The following ACSL6 variants were observed in gnomAD, a reference collection of about 807,000 sequenced individuals.
ACSL6 encodes the protein acyl-CoA synthetase long chain family member 6.
ACSL6 carries 47 observed loss-of-function variants against 98.2 expected under a neutral mutation model. The ratio of observed to expected loss-of-function variants is 0.48; its 90% CI spans 0.38 to 0.61. ACSL6 has a LOEUF of 0.61. ACSL6 is among the 20% of genes least tolerant of loss of function. ACSL6 has a pLI of 0.00. For missense variants in ACSL6, 761 were observed against 913.4 expected (o/e 0.83, Z 2.15); for synonymous variants, 362 against 336.9 (o/e 1.07, Z -0.82).
intron 1 of ACSL6, among the ~76,000 whole-genome samples, chr5:131,999,134 T>C (rs766354528): frequency 2.0e-5 from 3 of 151,728 alleles, no homozygotes; most frequent in Non-Finnish European, 4.4e-5. Context: ...GCAAACGAGC[T>C]TGGGAGAGGA....
At chr5:131,985,611 G>A (rs574569262) in intron 8 of ACSL6, among the ~76,000 whole-genome samples, 153 bp from the exon 9 acceptor site, 17 of 152,298 alleles carry the variant, frequency 1.1e-4, no homozygotes, top group Admixed American at 4.6e-4. Flanking sequence ...TGTGTGCTGC[G>A]CTCAGAAAGG....
intron 20 of ACSL6, among the ~76,000 whole-genome samples, chr5:131,954,579 A>G (rs1288509000): frequency 6.6e-6 from 1 of 152,216 alleles, no homozygotes; most frequent in Non-Finnish European, 1.5e-5. Flanking sequence ...TAGCCAGTCA[A>G]CAGAAATGAA....
intron 1 of ACSL6, among the ~76,000 whole-genome samples, chr5:132,007,410 T>G (rs541247999): frequency 1.3e-5 from 2 of 152,370 alleles, no homozygotes; most frequent in South Asian, 4.1e-4. Flanking sequence ...TTTCTGCATG[T>G]CAGAATCCTG....
chr5:131,995,515 C>T (rs1207174641), intron 1 of ACSL6, among the ~76,000 whole-genome samples: 1 of 152,172 alleles, frequency 6.6e-6, no homozygotes, highest in Non-Finnish European at 1.5e-5. Flanking sequence ...ACCCTCCTCA[C>T]AGGCCCTAAG....
In ACSL6 at chr5:131,989,257, C is replaced by G; in HGVS notation, c.552+150G>C. The G allele has an allele frequency of 3.9e-6, 3 of 763,414 alleles. No individual in the cohort carries two copies. The East Asian group carries it at 7.5e-5, about 19-fold the overall frequency. The allele number at this position is 763,414 out of a possible 1,614,324, so 47.3% of individuals were successfully genotyped here. A position where few individuals can be genotyped will look rare whatever the true frequency, so the allele number is the denominator to read the frequency against. Reference sequence around the variant, plus strand: ...TGGCCAGTGCTGATGAGGGGCAGAGCCAGGGTGGGAAGAGGAGTGGTGGCA... The same window carrying G: ...TGGCCAGTGCTGATGAGGGGCAGAGGCAGGGTGGGAAGAGGAGTGGTGGCA... On this transcript the variant is annotated intron_variant, in intron 5 of 20. Transcript: ENST00000651883.
chr5:131,956,136 A>C (rs1243714100), intron 20 of ACSL6, among the ~76,000 whole-genome samples: 2 of 152,230 alleles, frequency 1.3e-5, no homozygotes, highest in Non-Finnish European at 2.9e-5. Flanking sequence ...CAGTATGGGA[A>C]CTTGGGGTGA....
At chr5:131,968,110 CTGAG>C in intron 15 of ACSL6, 82 bp from the exon 16 acceptor site, 1 of 1,199,994 alleles carries the variant, frequency 8.3e-7, no homozygotes, top group Middle Eastern at 2.0e-4. Context: ...CTTAAAATCT[CTGAG>C]TGGCCAAAGT....
intron 17 of ACSL6, 101 bp from the exon 18 acceptor site, chr5:131,962,779 C>A (rs1021126998): frequency 2.2e-6 from 3 of 1,345,808 alleles, no homozygotes; most frequent in Middle Eastern, 3.7e-4. Context: ...ACCCTGCAGA[C>A]CCCACCCCGA....
At chr5:131,987,719 G>A (rs1454458545) in intron 7 of ACSL6, among the ~76,000 whole-genome samples, 1 of 152,230 alleles carries the variant, frequency 6.6e-6, no homozygotes, top group African/African-American at 2.4e-5. Context: ...CTCAGACACA[G>A]ACAGGCTGAG....
At chr5:131,961,911 G>A (rs1437224220) in intron 18 of ACSL6, among the ~76,000 whole-genome samples, 1 of 152,098 alleles carries the variant, frequency 6.6e-6, no homozygotes, top group Non-Finnish European at 1.5e-5. Flanking sequence ...GATGGCTCAT[G>A]CCTCTAATCC....
chr5:131,959,453 T>C (rs1752585481), intron 20 of ACSL6, 83 bp downstream of exon 20: 2 of 1,444,878 alleles, frequency 1.4e-6, no homozygotes, highest in African/African-American at 2.8e-5. Context: ...AAGTCAGGAA[T>C]CTAGGTCAGG....
chr5:131,961,624 G>T (rs775440387), intron 18 of ACSL6, among the ~76,000 whole-genome samples: 2 of 152,028 alleles, frequency 1.3e-5, no homozygotes, highest in Non-Finnish European at 2.9e-5. Context: ...TTGAACCCTG[G>T]GGGTAGAGGC....
intron 15 of ACSL6, among the ~76,000 whole-genome samples, chr5:131,968,960 G>A (rs1753162035): frequency 6.6e-6 from 1 of 152,196 alleles, no homozygotes; most frequent in Non-Finnish European, 1.5e-5. Flanking sequence ...ATAGGAAAAT[G>A]TAAAGGATGA....
chr5:131,988,506 A>C (rs769609277), intron 6 of ACSL6: 45 of 1,602,060 alleles, frequency 2.8e-5, no homozygotes, highest in Non-Finnish European at 3.8e-5. Context: ...TGAGATATTT[A>C]CCACCCCCTG....
chr5:131,985,974 C>T (rs1754155748), intron 8 of ACSL6, among the ~76,000 whole-genome samples: 1 of 152,232 alleles, frequency 6.6e-6, no homozygotes. Flanking sequence ...TCTGGGGTCA[C>T]CAGAAGGAGC....
intron 7 of ACSL6, among the ~76,000 whole-genome samples, chr5:131,987,150 G>A (rs535026485): frequency 2.4e-4 from 36 of 152,286 alleles, no homozygotes; most frequent in African/African-American, 8.7e-4. Flanking sequence ...GAGGCTCCTG[G>A]GAGACAGGGA....
chr5:131,975,923 A>G (rs1351370924), intron 10 of ACSL6: 2 of 985,480 alleles, frequency 2.0e-6, no homozygotes, highest in East Asian at 2.3e-4. Flanking sequence ...TTCTGCTAAA[A>G]TAAACTGTCT....
chr5:131,981,576 T>C (rs1001693138), intron 9 of ACSL6, among the ~76,000 whole-genome samples: 2 of 152,232 alleles, frequency 1.3e-5, no homozygotes, highest in Non-Finnish European at 2.9e-5. Flanking sequence ...TCACGTTTTA[T>C]AATTTTATAT....
chr5:131,985,749 T>C lies in ACSL6; in HGVS notation c.865-291A>G, dbSNP rs17132220. On this transcript the variant is annotated intron_variant, in intron 8 of 20. Coordinates refer to ENST00000651883, the MANE Select transcript of ACSL6 (RefSeq NM_001009185.3). ...TCCCCTACTTGAGCCTGGGCTGAAT[T>C]ATCCTAGGTGGGATTGGGCTGCAGT... Among the ~76,000 whole-genome samples the C allele has an allele frequency of 4.1e-3, 628 of 152,316 alleles. 4 individuals are homozygous for C. Among genetic ancestry groups the C allele is most frequent in the African/African-American group, 0.013 (548 of 41,554 alleles).
Sources: gnomAD v4.1 joint callset for allele counts (sites outside exome capture counted in the v4.1 genomes callset) on GRCh38, gnomAD v4.1.1 for gene constraint, MANE v1.5 for transcripts, NCBI Gene and HGNC (gene_info 2026-07-23, HGNC 2026-07-21) for gene names.